Variants in TPRG1 observed in about 807,000 individuals in gnomAD.
The protein encoded by TPRG1 is tumor protein p63 regulated 1.
A neutral mutation model predicts 29.3 loss-of-function variants in TPRG1; 29 were observed. The observed-to-expected ratio is 0.99, with a 90% CI of 0.74 to 1.35. The LOEUF is 1.35. Ranked by LOEUF, TPRG1 falls within the 40% of genes most tolerant of loss-of-function variation. The pLI is 0.00. For synonymous variants in TPRG1, 130 were observed against 116.8 expected, an observed-to-expected ratio of 1.11 and a Z score of -0.73; for missense variants, 327 against 335.0, an observed-to-expected ratio of 0.98 and a Z score of 0.19.
intron 5 of TPRG1, among the ~76,000 whole-genome samples, chr3:189,160,154 T>G (rs1727280241): frequency 6.6e-6 from 1 of 152,086 alleles, no homozygotes; most frequent in Admixed American, 6.5e-5. Context: ...TGTCAGCACC[T>G]CTGGGAGAAT....
At chr3:189,312,132 T>C (rs1560689090) in intron 5 of TPRG1, among the ~76,000 whole-genome samples, 26 of 34,634 alleles carry the variant, frequency 7.5e-4, no homozygotes, top group African/African-American at 3.4e-3. Context: ...TTTCTTTCTT[T>C]CTTTCTTTCT....
chr3:189,138,994 G>A (rs1724154811), intron 3 of TPRG1, among the ~76,000 whole-genome samples: 2 of 152,168 alleles, frequency 1.3e-5, no homozygotes, highest in Non-Finnish European at 2.9e-5. Context: ...CTCCAGCCAT[G>A]AGAAAATGGA....
chr3:189,304,524 G>A (rs184100962), intron 4 of TPRG1, among the ~76,000 whole-genome samples: 5 of 152,298 alleles, frequency 3.3e-5, no homozygotes, highest in African/African-American at 1.2e-4. Context: ...GGAGCCAGGT[G>A]AGCAAAGAGA....
intron 3 of TPRG1, among the ~76,000 whole-genome samples, chr3:189,022,511 C>T (rs371365651): frequency 6.6e-6 from 1 of 151,428 alleles, no homozygotes; most frequent in African/African-American, 2.4e-5. Context: ...TCAGTGTGCC[C>T]CTGCTGGGGG....
At chr3:189,235,942 C>A (rs1739393447) in intron 3 of TPRG1, among the ~76,000 whole-genome samples, 1 of 152,154 alleles carries the variant, frequency 6.6e-6, no homozygotes, top group African/African-American at 2.4e-5. Flanking sequence ...CCTTGTAAAC[C>A]TTTCTGAGCT....
At chr3:189,069,082 C>CA (rs1412726774) in intron 4 of TPRG1, among the ~76,000 whole-genome samples, 1 of 151,934 alleles carries the variant, frequency 6.6e-6, no homozygotes, top group Non-Finnish European at 1.5e-5. Context: ...TCATAATAGC[C>CA]AAAACTGGAA....
rs554161476 is a variant in TPRG1 at position 189,246,809 on chromosome 3, C to T, written c.479+7900C>T. ...CTTTCTTCTTTCAGAACTTTCAAGA[C>T]GTTGTTCCACCATTGCTTGGCTTCC... On this transcript the variant is annotated intron_variant, in intron 4 of 5. Transcript: ENST00000345063. Among the ~76,000 whole-genome samples the T allele has an allele frequency of 3.9e-5, 6 of 152,252 alleles. No homozygotes were observed. In the East Asian group the frequency reaches 5.8e-4, roughly 15 times the overall value.
intron 1 of TPRG1, among the ~76,000 whole-genome samples, chr3:188,999,054 A>G (rs1386989717): frequency 1.3e-5 from 2 of 152,214 alleles, no homozygotes; most frequent in Non-Finnish European, 2.9e-5. Flanking sequence ...ATTATTATGT[A>G]TCAATAAAAA....
At chr3:189,113,350 T>C (rs1156401172) in intron 1 of TPRG1, among the ~76,000 whole-genome samples, 2 of 152,200 alleles carry the variant, frequency 1.3e-5, no homozygotes, top group Non-Finnish European at 2.9e-5. Flanking sequence ...CCTCTTTTCC[T>C]AATTGAATAC....
chr3:189,033,817 C>A (rs1024668055), intron 4 of TPRG1, among the ~76,000 whole-genome samples: 1 of 152,098 alleles, frequency 6.6e-6, no homozygotes, highest in Non-Finnish European at 1.5e-5. Context: ...ACCTCGTGAT[C>A]CACCTGCCTC....
chr3:189,229,987 C>T (rs1432990410), intron 3 of TPRG1, among the ~76,000 whole-genome samples: 1 of 152,180 alleles, frequency 6.6e-6, no homozygotes, highest in East Asian at 1.9e-4. Flanking sequence ...CTTGCAGCCT[C>T]CTTAGAATGG....
upstream of TPRG1, among the ~76,000 whole-genome samples, chr3:189,167,913 G>A (rs926170184): frequency 3.9e-5 from 6 of 152,156 alleles, no homozygotes; most frequent in Non-Finnish European, 8.8e-5. Context: ...TAGAAGAGAC[G>A]ATCCTCTGAA....
At chr3:189,229,998 G>A (rs937525709) in intron 3 of TPRG1, among the ~76,000 whole-genome samples, 4 of 152,146 alleles carry the variant, frequency 2.6e-5, no homozygotes, top group African/African-American at 9.7e-5. Flanking sequence ...CTTAGAATGG[G>A]GTCTTGTTCT....
intron 3 of TPRG1, among the ~76,000 whole-genome samples, chr3:189,233,166 ATGTGTGTGTGTGTGTG>A (rs59388844): frequency 6.7e-6 from 1 of 148,768 alleles, no homozygotes; most frequent in African/African-American, 2.4e-5. Context: ...CTGAGTGTGT[ATGTGTGTGTGTGTGTG>A]TGTGTGTGTG....
chr3:189,241,822 G>A (rs937316726), intron 4 of TPRG1, among the ~76,000 whole-genome samples: 10 of 152,144 alleles, frequency 6.6e-5, no homozygotes, highest in South Asian at 2.1e-4. Context: ...CTGCCACCAT[G>A]TAAGAAGTGC....
chr3:189,310,466 C>G lies in TPRG1; in HGVS notation c.560C>G (p.Thr187Ser), dbSNP rs763106710. ...SLLSRWNPWSTEVPYATFTEH... is the reference protein window; with the variant it reads ...SLLSRWNPWSSEVPYATFTEH... ...CTGTCCCGCTGGAACCCATGGTCCACTGAAGTTCCTTATGCTACTTTCACT... is the reference window on the plus strand; with the variant it reads ...CTGTCCCGCTGGAACCCATGGTCCAGTGAAGTTCCTTATGCTACTTTCACT... The change falls in exon 5 of 6, where the codon ACT becomes AGT. Residue 187 changes from threonine to serine, a missense_variant. Transcript: ENST00000345063. The G allele has an allele frequency of 1.9e-6, 3 of 1,612,878 alleles. No individual in the cohort carries two copies. The Admixed American group carries it at 5.0e-5, about 27-fold the overall frequency.
At chr3:189,001,787 C>G (rs1458218751) in intron 2 of TPRG1, among the ~76,000 whole-genome samples, 1 of 152,138 alleles carries the variant, frequency 6.6e-6, no homozygotes, top group African/African-American at 2.4e-5. Flanking sequence ...CTCCATGACT[C>G]ACTTCTTTGA....
chr3:189,192,481 G>A (rs1319134099), intron 1 of TPRG1, among the ~76,000 whole-genome samples: 1 of 152,196 alleles, frequency 6.6e-6, no homozygotes, highest in East Asian at 1.9e-4. Context: ...CAAGCTAACA[G>A]GTAGTTGTAA....
chr3:189,092,446 T>C (rs1172189914), intron 4 of TPRG1, among the ~76,000 whole-genome samples: 3 of 127,476 alleles, frequency 2.4e-5, no homozygotes, highest in African/African-American at 6.6e-5. Context: ...AAATTTCTTT[T>C]TTTTTTTTTT....
Sources: gnomAD v4.1 joint callset for allele counts (sites outside exome capture counted in the v4.1 genomes callset) on GRCh38, gnomAD v4.1.1 for gene constraint, MANE v1.5 for transcripts, NCBI Gene and HGNC (gene_info 2026-07-23, HGNC 2026-07-21) for gene names.